FKBP5: variants seen among roughly 807,000 people sequenced by gnomAD.
The protein encoded by FKBP5 is peptidyl-prolyl cis-trans isomerase FKBP5.
Under a neutral mutation model 50.5 loss-of-function variants are expected in FKBP5, and 23 were observed. The ratio of observed to expected loss-of-function variants is 0.46; its 90% confidence interval spans 0.33 to 0.65. The LOEUF (loss-of-function observed/expected upper bound fraction) is 0.65. FKBP5 is among the 30% of genes least tolerant of loss of function. The pLI is 0.02. For missense variants in FKBP5, 411 were observed against 553.1 expected (o/e 0.74, Z 2.58); for synonymous variants, 176 against 190.6 (o/e 0.92, Z 0.63).
At chr6:35,656,000 T>C (rs1294701457) in intron 1 of FKBP5, among the ~76,000 whole-genome samples, 1 of 152,202 alleles carries the variant, frequency 6.6e-6, no homozygotes, top group Admixed American at 6.5e-5. Flanking sequence ...TGAGTATACA[T>C]TAACTAGCAA....
At chr6:35,687,539 T>C (rs555096888) in intron 1 of FKBP5, among the ~76,000 whole-genome samples, 2 of 152,268 alleles carry the variant, frequency 1.3e-5, no homozygotes, top group South Asian at 4.1e-4. Context: ...CTATTAAAAA[T>C]ACTTAACCAA....
chr6:35,614,539 GT>G (rs1205610461), intron 5 of FKBP5, among the ~76,000 whole-genome samples: 1 of 152,148 alleles, frequency 6.6e-6, no homozygotes, highest in East Asian at 1.9e-4. Flanking sequence ...GAAGAAAGAA[GT>G]TACCTCAGTT....
intron 2 of FKBP5, among the ~76,000 whole-genome samples, chr6:35,703,452 A>T (rs1188310244): frequency 6.6e-6 from 1 of 152,152 alleles, no homozygotes; most frequent in Non-Finnish European, 1.5e-5. Flanking sequence ...CATAGAAATG[A>T]TACTCAAGGT....
In FKBP5 at chr6:35,709,946, C is replaced by T. The variant is rs867764512; in HGVS notation, c.-20+10382G>A. On this transcript the variant is annotated intron_variant, in intron 2 of 11. Coordinates refer to the FKBP5 transcript ENST00000536438. ...TTCTCACGGGACAAACAGGGTAATG[C>T]GATAAAAAGTCTTGAGAATTCCATT... Among the ~76,000 whole-genome samples the T allele has an allele frequency of 1.1e-4, 17 of 151,150 alleles. No homozygotes were observed. The South Asian group carries it at 1.7e-3, about 15-fold the overall frequency.
At chr6:35,610,610 AT>A (rs1180762006) in intron 5 of FKBP5, among the ~76,000 whole-genome samples, 1 of 147,210 alleles carries the variant, frequency 6.8e-6, no homozygotes, top group African/African-American at 2.5e-5. Flanking sequence ...AAATACATTC[AT>A]TTTCCCTAGT....
At chr6:35,683,327 T>C (rs769968139) in intron 1 of FKBP5, among the ~76,000 whole-genome samples, 34 of 151,948 alleles carry the variant, frequency 2.2e-4, no homozygotes, top group Non-Finnish European at 1.9e-4. Context: ...GAACTTTATA[T>C]TTTTTGTAGA....
chr6:35,647,481 G>A (rs1016707351), intron 1 of FKBP5, among the ~76,000 whole-genome samples: 7 of 152,208 alleles, frequency 4.6e-5, no homozygotes, highest in South Asian at 2.1e-4. Context: ...AACTTTGGGG[G>A]AATTTCTGAA....
At chr6:35,623,134 C>T (rs1032356489) in intron 3 of FKBP5, among the ~76,000 whole-genome samples, 1 of 151,840 alleles carries the variant, frequency 6.6e-6, no homozygotes, top group Non-Finnish European at 1.5e-5. Context: ...CCCAGCTACT[C>T]CGGAGGCTGA....
intron 1 of FKBP5, among the ~76,000 whole-genome samples, chr6:35,647,800 G>A (rs1262232382): frequency 6.6e-6 from 1 of 152,160 alleles, no homozygotes; most frequent in Non-Finnish European, 1.5e-5. Context: ...CAGACCCATC[G>A]AAAGGATATG....
At chr6:35,581,001 G>A (rs976334420) in intron 8 of FKBP5, 1 of 984,964 alleles carries the variant, frequency 1.0e-6, no homozygotes, top group African/African-American at 1.7e-5. Context: ...AGTCTCTGTT[G>A]CAACTACTAA....
At chr6:35,691,652 C>A (rs1765990230), upstream of FKBP5, among the ~76,000 whole-genome samples, 1 of 152,150 alleles carries the variant, frequency 6.6e-6, no homozygotes, top group Admixed American at 6.5e-5. Context: ...CTAGCCCCAC[C>A]CACTCTCCCA....
At chr6:35,669,028 C>A (rs1463998885) in intron 1 of FKBP5, among the ~76,000 whole-genome samples, 1 of 152,064 alleles carries the variant, frequency 6.6e-6, no homozygotes, top group African/African-American at 2.4e-5. Flanking sequence ...ACTTGAGATG[C>A]AATTAACTTT....
At chr6:35,676,842 C>A (rs1165881176) in intron 1 of FKBP5, among the ~76,000 whole-genome samples, 2 of 152,128 alleles carry the variant, frequency 1.3e-5, no homozygotes, top group African/African-American at 4.8e-5. Flanking sequence ...CAAGTAAAAA[C>A]TACCACCCAT....
intron 1 of FKBP5, among the ~76,000 whole-genome samples, chr6:35,644,496 C>T (rs1028459775): frequency 6.6e-6 from 1 of 152,186 alleles, no homozygotes; most frequent in African/African-American, 2.4e-5. Flanking sequence ...AGACACAAAT[C>T]CAATTGTTGT....
chr6:35,682,361 A>G (rs1269433372), intron 1 of FKBP5, among the ~76,000 whole-genome samples: 1 of 152,214 alleles, frequency 6.6e-6, no homozygotes, highest in Non-Finnish European at 1.5e-5. Flanking sequence ...AAAGTAACCT[A>G]TCGCAGCATT....
In FKBP5 at chr6:35,648,818, G is replaced by A. The variant is rs548314060; in HGVS notation, c.-19-5975C>T. On this transcript the variant is annotated intron_variant, in intron 1 of 10. Transcript: ENST00000357266. ...ACAAAAACTGGCTGGGCATGGTGGC[G>A]GGCACCTGTAATTCCAGCTATTCAG... Among the ~76,000 whole-genome samples, 10 of 152,072 alleles carry A rather than the reference G, an allele frequency of 6.6e-5. 3 individuals are homozygous for A. Among genetic ancestry groups the A allele is most frequent in the African/African-American group, 2.4e-4 (10 of 41,502 alleles).
At chr6:35,663,205 T>C (rs186441669) in intron 1 of FKBP5, among the ~76,000 whole-genome samples, 11 of 152,242 alleles carry the variant, frequency 7.2e-5, no homozygotes, top group Admixed American at 7.2e-4. Context: ...GGGGAGGGCT[T>C]CTCACAGGGC....
chr6:35,610,562 C>T (rs530619609), intron 5 of FKBP5, among the ~76,000 whole-genome samples: 960 of 52,760 alleles, frequency 0.018, 3 homozygotes, highest in Admixed American at 0.028. Context: ...AGCAAGACTC[C>T]GTCTCAAAAA....
rs578188063 is a variant in FKBP5 at position 35,584,224 on chromosome 6, G to C, written c.840+2810C>G. 1.2e-5 allele frequency: 12 copies of C among 985,378 alleles called. No homozygotes were observed. In the African/African-American group the frequency reaches 1.7e-4, roughly 14 times the overall value. The allele number at this position is 985,378 out of a possible 1,614,324, so 61.0% of individuals were successfully genotyped here. On this transcript the variant is annotated intron_variant, in intron 8 of 10. Transcript: ENST00000357266. ...TAATAATTATTTTCAGAGCCAAATA[G>C]AGTTCTCTATTTTTCTTCTCTTTAG... is the stretch of plus-strand genomic sequence containing the variant.
Sources: gnomAD v4.1 joint callset for allele counts (sites outside exome capture counted in the v4.1 genomes callset) on GRCh38, gnomAD v4.1.1 for gene constraint, MANE v1.5 for transcripts, NCBI Gene and HGNC (gene_info 2026-07-23, HGNC 2026-07-21) for gene names.